Variants in PVT1 observed in about 807,000 individuals in gnomAD.
PVT1 encodes Pvt1 oncogene, also known as CXCR4/PVT1 fusion.
At chr8:127,864,708 C>A (rs1044946785) in intron 2 of PVT1, among the ~76,000 whole-genome samples, 1 of 152,062 alleles carries the variant, frequency 6.6e-6, no homozygotes, top group Non-Finnish European at 1.5e-5. Context: ...CCACCACGCC[C>A]GGCTATTTTT....
chr8:127,930,323 A>AT (rs1175506103), intron 3 of PVT1, among the ~76,000 whole-genome samples: 2 of 151,960 alleles, frequency 1.3e-5, no homozygotes, highest in African/African-American at 4.8e-5. Context: ...GGTCTGGCTA[A>AT]TTTTTTTGCA....
At position 127,954,591 on chromosome 8, in the gene PVT1, C is replaced by T. The variant is rs537604360; in HGVS notation, n.783-34571C>T. Among the ~76,000 whole-genome samples the T allele has an allele frequency of 2.0e-5, 3 of 152,298 alleles. No homozygotes were observed. In the South Asian group the frequency reaches 6.2e-4, roughly 32 times the overall value. On this transcript the variant is annotated intron_variant and non_coding_transcript_variant, in intron 3 of 10. Transcript: ENST00000651587. ...TACAGGCATGAGCCACTGCGCCAGG[C>T]CAACAAGTACTCACTTCTACCTGTG...
chr8:127,959,758 G>A (rs1042524069), intron 3 of PVT1, among the ~76,000 whole-genome samples: 1 of 152,150 alleles, frequency 6.6e-6, no homozygotes, highest in Non-Finnish European at 1.5e-5. Context: ...CAAAGAGGCT[G>A]AGAACAAACC....
chr8:127,820,597 G>A (rs1814717055), intron 2 of PVT1, among the ~76,000 whole-genome samples: 1 of 152,184 alleles, frequency 6.6e-6, no homozygotes, highest in Non-Finnish European at 1.5e-5. Context: ...TTAGCAAGCA[G>A]TAACTGAAGA....
Position 127,879,037 on chromosome 8 carries a change from G to A in PVT1, n.373-11552G>A, listed in dbSNP as rs142999661. ...ATTACTGAGGGAAAAAGAGCAAGGC[G>A]TGAGCCCTATTGGGGCTGTTTTGGT... On this transcript the variant is annotated intron_variant and non_coding_transcript_variant, in intron 2 of 10. Transcript: ENST00000651587. 3.7e-4 allele frequency among the ~76,000 whole-genome samples: 57 copies of A among 152,382 alleles called. No individual in the cohort carries two copies. In the East Asian group the frequency reaches 0.011, roughly 29 times the overall value.
At chr8:127,901,194 G>A (rs1207330808) in intron 3 of PVT1, among the ~76,000 whole-genome samples, 2 of 152,188 alleles carry the variant, frequency 1.3e-5, no homozygotes, top group Non-Finnish European at 2.9e-5. Context: ...GTGGGCTTTT[G>A]GGGAGTTGGA....
intron 4 of PVT1, among the ~76,000 whole-genome samples, chr8:128,016,141 G>T (rs1205774760): frequency 6.6e-6 from 1 of 152,100 alleles, no homozygotes; most frequent in East Asian, 1.9e-4. Context: ...AGCCACGTGT[G>T]GTGGCACATG....
chr8:128,044,016 T>TTTTA (rs1813581254), intron 4 of PVT1, among the ~76,000 whole-genome samples: 1 of 6,048 alleles, frequency 1.7e-4, no homozygotes, highest in African/African-American at 3.3e-4. Context: ...TATTTATTTA[T>TTTTA]TTTTTTTTTT....
intron 5 of PVT1, among the ~76,000 whole-genome samples, chr8:128,092,385 C>T (rs1814368044): frequency 6.6e-6 from 1 of 152,190 alleles, no homozygotes; most frequent in Admixed American, 6.5e-5. Flanking sequence ...ACTGATCCAG[C>T]CCACCTCCCA....
At chr8:127,938,140 T>C (rs1816302262) in intron 3 of PVT1, among the ~76,000 whole-genome samples, 1 of 152,186 alleles carries the variant, frequency 6.6e-6, no homozygotes, top group African/African-American at 2.4e-5. Context: ...TGTTTTTTCC[T>C]AGGGCTGGGA....
At chr8:127,868,270 A>T (rs1049470359) in intron 2 of PVT1, among the ~76,000 whole-genome samples, 3 of 152,146 alleles carry the variant, frequency 2.0e-5, no homozygotes, top group Admixed American at 6.5e-5. Context: ...ACTCACTGAA[A>T]AGAAGGGAAT....
At chr8:127,866,588 T>C (rs1470519597) in intron 2 of PVT1, among the ~76,000 whole-genome samples, 1 of 151,298 alleles carries the variant, frequency 6.6e-6, no homozygotes, top group African/African-American at 2.4e-5. Context: ...GAGCATGGGG[T>C]GGTCGCAGGG....
Position 127,977,608 on chromosome 8 carries a change from G to T in PVT1, n.783-11554G>T, listed in dbSNP as rs147440000. Among the ~76,000 whole-genome samples the T allele has an allele frequency of 5.0e-3, 766 of 152,190 alleles. 9 individuals are homozygous for T. The highest frequency in any genetic ancestry group is 0.018 in the African/African-American group (738 of 41,502). ...AAGTTAGCCTGGCATGGTGGCACAT[G>T]CCTGTAACCCCAGCTACTCGGGAGG... On this transcript the variant is annotated intron_variant and non_coding_transcript_variant, in intron 3 of 10. Coordinates refer to ENST00000651587, the Ensembl canonical transcript of PVT1.
chr8:127,932,337 C>A (rs1429775199), intron 3 of PVT1: 4 of 398,218 alleles, frequency 1.0e-5, no homozygotes, highest in East Asian at 7.1e-5. Context: ...TGCCCCTCTC[C>A]TGGTAAAGGG....
chr8:127,944,752 C>A (rs914938774), intron 3 of PVT1, among the ~76,000 whole-genome samples: 12 of 152,208 alleles, frequency 7.9e-5, no homozygotes, highest in African/African-American at 2.9e-4. Context: ...GTCAGCCCGG[C>A]CCCTTTGAAG....
At chr8:127,854,248 G>T (rs190077235) in intron 2 of PVT1, among the ~76,000 whole-genome samples, 1 of 152,350 alleles carries the variant, frequency 6.6e-6, no homozygotes, top group African/African-American at 2.4e-5. Context: ...GGGCACAGGC[G>T]GAGGGCAGGG....
At chr8:127,874,340 T>C (rs1815382723) in intron 2 of PVT1, among the ~76,000 whole-genome samples, 1 of 151,706 alleles carries the variant, frequency 6.6e-6, no homozygotes, top group African/African-American at 2.4e-5. Flanking sequence ...GTAGGATGAG[T>C]AGAGGTTCAC....
rs141100595 is a variant in PVT1, at chr8:128,031,303, G to A, written n.913-38857G>A. On this transcript the variant is annotated intron_variant and non_coding_transcript_variant, in intron 4 of 10. Coordinates refer to ENST00000651587, the Ensembl canonical transcript of PVT1. ...GCCTTTGATGCCCCAGGGGCTGCTC[G>A]CCCAGCCAAGGGCATTGTAGAACAC... Among the ~76,000 whole-genome samples the A allele has an allele frequency of 6.6e-3, 1,005 of 152,344 alleles. 13 individuals carry two copies. Among genetic ancestry groups the A allele is most frequent in the African/African-American group, 0.023 (956 of 41,580 alleles).
At chr8:128,043,787 C>T in intron 4 of PVT1, among the ~76,000 whole-genome samples, 1 of 149,722 alleles carries the variant, frequency 6.7e-6, no homozygotes, top group East Asian at 2.0e-4. Context: ...CACACACACA[C>T]ACACACACAC....
Sources: allele counts gnomAD v4.1 joint callset (sites outside exome capture counted in the v4.1 genomes callset), GRCh38; gene constraint gnomAD v4.1.1; transcripts MANE v1.5; gene names NCBI Gene and HGNC (gene_info 2026-07-23, HGNC 2026-07-21).